The following ADAM32 variants were observed in gnomAD, a reference collection of about 807,000 sequenced individuals.
ADAM32 encodes disintegrin and metalloproteinase domain-containing protein 32.
ADAM32 carries 89 observed loss-of-function variants against 114.9 expected under a neutral mutation model. The ratio of observed to expected loss-of-function variants is 0.77; its 90% CI spans 0.65 to 0.92. The LOEUF is 0.92. ADAM32 is among the 40% of genes least tolerant of loss of function. ADAM32 has a pLI of 0.00. For synonymous variants in ADAM32, 285 were observed against 307.5 expected, an observed-to-expected ratio of 0.93 and a Z score of 0.77; for missense variants, 870 against 932.8, an observed-to-expected ratio of 0.93 and a Z score of 0.88.
At chr8:39,277,767 G>T (rs114648305) in intron 22 of ADAM32, among the ~76,000 whole-genome samples, 4 of 152,236 alleles carry the variant, frequency 2.6e-5, no homozygotes, top group Admixed American at 2.6e-4. Flanking sequence ...CGGCAGGGGC[G>T]AACTCTGTGC....
intron 6 of ADAM32, chr8:39,158,034 G>T: frequency 7.4e-6 from 2 of 269,386 alleles, no homozygotes; most frequent in South Asian, 1.0e-4. Context: ...AATGACTGGT[G>T]ACCTCTTTGT....
intron 7 of ADAM32, among the ~76,000 whole-genome samples, chr8:39,162,166 C>T (rs1277985500): frequency 2.4e-4 from 27 of 111,678 alleles, no homozygotes; most frequent in African/African-American, 8.4e-4. Flanking sequence ...CCCCCTCCCC[C>T]CACCCCACAA....
intron 11 of ADAM32, among the ~76,000 whole-genome samples, chr8:39,210,164 T>C (rs1808113522): frequency 6.6e-6 from 1 of 152,146 alleles, no homozygotes; most frequent in Admixed American, 6.5e-5. Flanking sequence ...TCAGGGACCA[T>C]GGGGTTCAGC....
intron 2 of ADAM32, among the ~76,000 whole-genome samples, chr8:39,135,654 A>G (rs1486043469): frequency 1.3e-5 from 2 of 152,154 alleles, no homozygotes; most frequent in Non-Finnish European, 2.9e-5. Flanking sequence ...ACTACCCAGC[A>G]TGCCCCCTCC....
intron 19 of ADAM32, among the ~76,000 whole-genome samples, chr8:39,260,127 T>G (rs1462785093): frequency 6.6e-6 from 1 of 152,202 alleles, no homozygotes; most frequent in Non-Finnish European, 1.5e-5. Context: ...ATGTATATGC[T>G]GTAAAATGAT....
chr8:39,237,683 A>T (rs78713466), intron 16 of ADAM32, among the ~76,000 whole-genome samples: 1 of 147,734 alleles, frequency 6.8e-6, no homozygotes, highest in Admixed American at 6.8e-5. Context: ...AACTCCATTG[A>T]CCTGAGAACC....
At position 39,223,259 on chromosome 8, in the gene ADAM32, C is replaced by T. The variant is rs1348462169; in HGVS notation, c.1525+21C>T. 5.4e-6 allele frequency: 8 copies of T among 1,486,610 alleles called. No individual in the cohort carries two copies. The South Asian group carries it at 9.6e-5, about 18-fold the overall frequency. 92.1% of individuals were successfully genotyped at this position (1,486,610 alleles called of 1,614,324 possible). A position where few individuals can be genotyped will look rare whatever the true frequency, so the allele number is the denominator to read the frequency against. ...AAAAGGTAATATCTTTTTGTTACAT[C>T]TCAATAGCCCTTAACATTGTTATTA... is the stretch of plus-strand genomic sequence containing the variant. On this transcript the variant is annotated intron_variant, in intron 14 of 24. Coordinates refer to ENST00000379907, the MANE Select transcript of ADAM32 (RefSeq NM_145004.7).
At chr8:39,229,792 G>A (rs1045922752) in intron 14 of ADAM32, among the ~76,000 whole-genome samples, 7 of 152,050 alleles carry the variant, frequency 4.6e-5, no homozygotes, top group African/African-American at 9.7e-5. Context: ...GACAGTCATC[G>A]AGACAGAAAG....
At chr8:39,162,807 C>T (rs1355799055) in intron 7 of ADAM32, among the ~76,000 whole-genome samples, 1 of 152,060 alleles carries the variant, frequency 6.6e-6, no homozygotes, top group Non-Finnish European at 1.5e-5. Context: ...TCCAGACCAG[C>T]CTGGCCAACA....
chr8:39,229,688 C>T (rs1397767641), intron 14 of ADAM32, among the ~76,000 whole-genome samples: 1 of 152,002 alleles, frequency 6.6e-6, no homozygotes, highest in Non-Finnish European at 1.5e-5. Context: ...CTGGAGTTCC[C>T]AAATTTATAA....
chr8:39,135,626 C>T (rs185448984), intron 2 of ADAM32, among the ~76,000 whole-genome samples: 11 of 152,196 alleles, frequency 7.2e-5, no homozygotes, highest in Middle Eastern at 3.4e-3. Flanking sequence ...CATTTTGTTC[C>T]GGGATCCAAT....
At chr8:39,181,137 C>G (rs908811172) in intron 10 of ADAM32, among the ~76,000 whole-genome samples, 10 of 152,228 alleles carry the variant, frequency 6.6e-5, no homozygotes, top group African/African-American at 1.9e-4. Flanking sequence ...CGCTTGGGTC[C>G]TTTTCCACAC....
rs947128524 is a variant in ADAM32, at chr8:39,274,327, C to G, written c.2217C>G (p.Gly739=). 5.0e-6 allele frequency: 8 copies of G among 1,613,244 alleles called. No homozygotes were observed. The Admixed American group carries it at 5.0e-5, about 10-fold the overall frequency. The change falls in exon 21 of 25, where the codon GGC becomes GGG. Residue 739 remains glycine, a synonymous_variant. Coordinates refer to ENST00000379907, the MANE Select transcript of ADAM32 (RefSeq NM_145004.7). ...TTTTTTTTAGATCCAGCTCAGAAGG[C>G]AGCACTCAGACATATGCCAGCCAGT... ...QTYASQSSSE[G]STQTYASQTR...
intron 1 of ADAM32, among the ~76,000 whole-genome samples, chr8:39,115,236 T>A (rs1840327781): frequency 6.6e-6 from 1 of 152,232 alleles, no homozygotes; most frequent in South Asian, 2.1e-4. Context: ...ATATACTCAG[T>A]AATGGGACTT....
chr8:39,151,288 G>T, intron 5 of ADAM32, 89 bp from the exon 6 acceptor site: 1 of 1,187,552 alleles, frequency 8.4e-7, no homozygotes, highest in Non-Finnish European at 1.1e-6. Context: ...GACTCAAAAC[G>T]TTTTATTTTT....
At chr8:39,159,390 C>G (rs1804347871) in intron 6 of ADAM32, among the ~76,000 whole-genome samples, 1 of 152,172 alleles carries the variant, frequency 6.6e-6, no homozygotes, top group Non-Finnish European at 1.5e-5. Flanking sequence ...ACAACTCACC[C>G]TTAGCCTTGA....
At chr8:39,139,534 A>T (rs560573923) in intron 3 of ADAM32, among the ~76,000 whole-genome samples, 1 of 152,186 alleles carries the variant, frequency 6.6e-6, no homozygotes, top group Admixed American at 6.5e-5. Flanking sequence ...ATTGGTCTAT[A>T]TCTCTGTTTT....
At chr8:39,205,932 A>AT (rs1023605442) in intron 11 of ADAM32, among the ~76,000 whole-genome samples, 19 of 151,882 alleles carry the variant, frequency 1.3e-4, no homozygotes, top group Middle Eastern at 3.4e-3. Context: ...TTAGAGGAAT[A>AT]TTTTTTCTTT....
chr8:39,108,655 G>A (rs1840027816), intron 1 of ADAM32, among the ~76,000 whole-genome samples: 1 of 152,052 alleles, frequency 6.6e-6, no homozygotes, highest in Non-Finnish European at 1.5e-5. Flanking sequence ...AATAAGAGAA[G>A]GAAAAAAATA....
Sources: allele counts gnomAD v4.1 joint callset (sites outside exome capture counted in the v4.1 genomes callset), GRCh38; gene constraint gnomAD v4.1.1; transcripts MANE v1.5; gene names NCBI Gene and HGNC (gene_info 2026-07-23, HGNC 2026-07-21).